TYW1B: variants seen among roughly 807,000 people sequenced by gnomAD.
The protein encoded by TYW1B is tRNA-yW synthesizing protein 1 homolog B, also known as S-adenosyl-L-methionine-dependent tRNA 4-demethylwyosine synthase TYW1B.
TYW1B carries 73 observed loss-of-function variants against 86.9 expected under a neutral mutation model. That is an observed-to-expected ratio of 0.84 (90% CI 0.70 to 1.02). TYW1B has a LOEUF of 1.02. Among genes scored for constraint, TYW1B ranks in the 50% least tolerant of loss-of-function variants. The probability of loss-of-function intolerance (pLI) is 0.00; values close to 1 mark genes in which losing one functional copy is unlikely to be tolerated. For missense variants in TYW1B, 637 were observed against 827.4 expected (o/e 0.77, Z 2.82); for synonymous variants, 248 against 292.8 (o/e 0.85, Z 1.56).
At chr7:72,622,618 C>CACACAA (rs1213837669) in intron 12 of TYW1B, among the ~76,000 whole-genome samples, 3 of 152,024 alleles carry the variant, frequency 2.0e-5, no homozygotes, top group African/African-American at 7.2e-5. Context: ...CACACGGACA[C>CACACAA]ACACAAACAC....
chr7:72,759,555 A>C (rs897489416), intron 7 of TYW1B, among the ~76,000 whole-genome samples: 1 of 152,218 alleles, frequency 6.6e-6, no homozygotes, highest in South Asian at 2.1e-4. Flanking sequence ...ATTACAAGGA[A>C]AATTCAGAGC....
intron 11 of TYW1B, among the ~76,000 whole-genome samples, chr7:72,663,761 C>CAAAAAAA (rs1177247717): frequency 6.9e-5 from 4 of 57,828 alleles, no homozygotes; most frequent in South Asian, 9.6e-4. Flanking sequence ...GACTCCATCT[C>CAAAAAAA]AAAAAAAAAA....
intron 7 of TYW1B, among the ~76,000 whole-genome samples, chr7:72,756,198 ATTTTTTTATTTTATT>A (rs1563083351): frequency 9.5e-6 from 1 of 105,536 alleles, no homozygotes; most frequent in East Asian, 2.6e-4. Context: ...CCAGTTTATT[ATTTTTTTATTTTATT>A]TTATTTTATT....
intron 11 of TYW1B, among the ~76,000 whole-genome samples, chr7:72,673,625 G>A (rs541562837): frequency 6.6e-6 from 1 of 152,300 alleles, no homozygotes; most frequent in South Asian, 2.1e-4. Context: ...GTGTTGGGAG[G>A]AAGGTGGGAT....
intron 6 of TYW1B, among the ~76,000 whole-genome samples, chr7:72,795,701 C>T (rs1427282230): frequency 8.1e-6 from 1 of 123,940 alleles, no homozygotes; most frequent in Non-Finnish European, 1.7e-5. Context: ...GTTTTCCCCA[C>T]TCATTCCTCA....
Position 72,596,491 on chromosome 7 carries a change from T to C in TYW1B, c.1785+20181A>G, listed in dbSNP as rs12533060. On this transcript the variant is annotated intron_variant, in intron 13 of 13. Transcript: ENST00000620995. ...GCCCAGAAATAAACCCTAACAAATA[T>C]AGTCAAATTATCTTTGACAAGGGTG... Among the ~76,000 whole-genome samples, 707 of 152,202 alleles carry C rather than the reference T, an allele frequency of 4.6e-3. 3 individuals are homozygous for C. Among genetic ancestry groups the C allele is most frequent in the Middle Eastern group, 0.01 (3 of 294 alleles).
chr7:72,663,116 A>G (rs1420354499), intron 11 of TYW1B, among the ~76,000 whole-genome samples: 1 of 151,494 alleles, frequency 6.6e-6, no homozygotes. Context: ...GATTCCATGT[A>G]GAAGAAATTA....
chr7:72,793,963 A>G (rs1368146533), intron 6 of TYW1B, among the ~76,000 whole-genome samples: 4 of 152,128 alleles, frequency 2.6e-5, no homozygotes, highest in African/African-American at 4.8e-5. Flanking sequence ...CCAGCCTCTC[A>G]AAGAAGTTGC....
At chr7:72,771,066 G>A (rs1200248295) in intron 7 of TYW1B, among the ~76,000 whole-genome samples, 3 of 147,618 alleles carry the variant, frequency 2.0e-5, no homozygotes, top group African/African-American at 7.6e-5. Context: ...GGGTTCAAGT[G>A]ATTCTCCTGC....
intron 13 of TYW1B, among the ~76,000 whole-genome samples, chr7:72,615,252 A>G (rs1409326078): frequency 6.6e-6 from 1 of 152,250 alleles, no homozygotes; most frequent in African/African-American, 2.4e-5. Context: ...AAAGGATTAG[A>G]CTAAAATTAA....
intron 7 of TYW1B, among the ~76,000 whole-genome samples, chr7:72,748,857 C>T (rs1437781644): frequency 1.3e-5 from 2 of 152,090 alleles, no homozygotes; most frequent in Non-Finnish European, 2.9e-5. Flanking sequence ...AGGATTTCTA[C>T]ATCTAAATTC....
At chr7:72,632,775 C>A (rs1447697917) in intron 11 of TYW1B, among the ~76,000 whole-genome samples, 3 of 151,894 alleles carry the variant, frequency 2.0e-5, no homozygotes, top group Non-Finnish European at 4.4e-5. Flanking sequence ...GGCAAAGATT[C>A]CAATGTCTGT....
intron 9 of TYW1B, 32 bp from the exon 10 acceptor site, chr7:72,713,830 A>T: frequency 6.5e-7 from 1 of 1,529,458 alleles, no homozygotes; most frequent in Non-Finnish European, 8.8e-7. Flanking sequence ...ACCCAGCTAC[A>T]TAAGGCACAG....
At chr7:72,698,269 A>C (rs1814371902) in intron 10 of TYW1B, among the ~76,000 whole-genome samples, 2 of 152,134 alleles carry the variant, frequency 1.3e-5, no homozygotes, top group Admixed American at 1.3e-4. Context: ...TAAAATGACC[A>C]TGTAGTTGCT....
intron 7 of TYW1B, among the ~76,000 whole-genome samples, chr7:72,745,940 C>T (rs1270655270): frequency 6.6e-6 from 1 of 151,386 alleles, no homozygotes; most frequent in African/African-American, 2.4e-5. Context: ...TCTTGACTCA[C>T]TGCACCCTCT....
chr7:72,602,761 A>G (rs147042359), intron 13 of TYW1B, among the ~76,000 whole-genome samples: 3 of 151,810 alleles, frequency 2.0e-5, no homozygotes, highest in African/African-American at 7.2e-5. Context: ...AAGTTGAACC[A>G]CTGTAAGTTG....
intron 7 of TYW1B, chr7:72,769,094 G>A (rs782704641): frequency 1.3e-5 from 5 of 377,796 alleles, no homozygotes; most frequent in South Asian, 3.9e-5. Context: ...TGTGGGATGG[G>A]CATGCAGCAG....
chr7:72,760,887 T>C (rs35289897), intron 7 of TYW1B, among the ~76,000 whole-genome samples: 103,888 of 152,024 alleles, frequency 0.68, 36,582 homozygotes, highest in Non-Finnish European at 0.77. Flanking sequence ...AATGTTTTGA[T>C]ACATAGGACT....
chr7:72,828,130 C>T lies in TYW1B; in HGVS notation c.-55G>A. The T allele has an allele frequency of 1.2e-6, 2 of 1,610,956 alleles. No individual in the cohort carries two copies. The highest frequency in any genetic ancestry group is 1.7e-6 in the Non-Finnish European group (2 of 1,178,716). ...CTCGGACCTGGAGAGCCCAAAGGTTCGCACTGGTACTGCGAGACGCACCGA... is the reference window on the plus strand; with the variant it reads ...CTCGGACCTGGAGAGCCCAAAGGTTTGCACTGGTACTGCGAGACGCACCGA... On this transcript the variant is annotated 5_prime_UTR_variant, in exon 1 of 14. Coordinates refer to ENST00000620995, the MANE Select transcript of TYW1B (RefSeq NM_001145440.3).
Sources: allele counts gnomAD v4.1 joint callset (sites outside exome capture counted in the v4.1 genomes callset), GRCh38; gene constraint gnomAD v4.1.1; transcripts MANE v1.5; gene names NCBI Gene and HGNC (gene_info 2026-07-23, HGNC 2026-07-21).